FRMD6: variants seen among roughly 807,000 people sequenced by gnomAD.
The protein encoded by FRMD6 is FERM domain containing 6.
FRMD6 carries 37 observed loss-of-function variants against 73.2 expected under a neutral mutation model. That is an observed-to-expected ratio of 0.51 (90% CI 0.39 to 0.66). The LOEUF (loss-of-function observed/expected upper bound fraction) is 0.66. FRMD6 is among the 30% of genes least tolerant of loss of function. The pLI, the probability that FRMD6 is intolerant of heterozygous loss-of-function variation, is 0.00. For synonymous variants in FRMD6, 273 were observed against 282.2 expected (o/e 0.97, Z 0.33); for missense variants, 714 against 780.5 (o/e 0.91, Z 1.02).
intron 1 of FRMD6, among the ~76,000 whole-genome samples, chr14:51,509,211 A>G (rs1303835778): frequency 6.6e-6 from 1 of 152,234 alleles, no homozygotes; most frequent in Non-Finnish European, 1.5e-5. Context: ...ACTTGGCTCT[A>G]AATGACAAAT....
At chr14:51,522,740 T>C (rs1239496955) in intron 1 of FRMD6, 1 of 152,234 alleles carries the variant, frequency 6.6e-6, no homozygotes. Flanking sequence ...GGAAATGTCT[T>C]CAGCAGCTAC....
chr14:51,711,807 G>A (rs1436274914), intron 8 of FRMD6, among the ~76,000 whole-genome samples: 1 of 152,186 alleles, frequency 6.6e-6, no homozygotes, highest in Non-Finnish European at 1.5e-5. Context: ...AAAACAATAA[G>A]TAATAAGAAA....
In FRMD6 at chr14:51,724,823, G is replaced by A. The variant is rs547980134; in HGVS notation, c.1493-956G>A. Among the ~76,000 whole-genome samples the A allele has an allele frequency of 7.9e-5, 12 of 151,804 alleles. No homozygotes were observed. The South Asian group carries it at 1.9e-3, about 24-fold the overall frequency. ...ATCCATTGGCAAGAAAAATTTCAGCGGTGTTCACTTACACCTCTAGTTCTT... is the reference window on the plus strand; with the variant it reads ...ATCCATTGGCAAGAAAAATTTCAGCAGTGTTCACTTACACCTCTAGTTCTT... On this transcript the variant is annotated intron_variant, in intron 12 of 13. Coordinates refer to ENST00000344768, the MANE Select transcript of FRMD6 (RefSeq NM_001267046.2).
At chr14:51,506,261 GC>G (rs1883957929) in intron 1 of FRMD6, among the ~76,000 whole-genome samples, 1 of 152,130 alleles carries the variant, frequency 6.6e-6, no homozygotes, top group Admixed American at 6.5e-5. Flanking sequence ...TCTCTGCAAA[GC>G]TCTCTCTAGC....
At chr14:51,627,935 C>T (rs188720084) in intron 2 of FRMD6, among the ~76,000 whole-genome samples, 33 of 152,298 alleles carry the variant, frequency 2.2e-4, no homozygotes, top group Admixed American at 1.6e-3. Flanking sequence ...ATAGCATTTA[C>T]GTGTAACCTA....
the FRMD6 span, among the ~76,000 whole-genome samples, chr14:51,461,982 T>A: frequency 1.3e-5 from 2 of 151,078 alleles, no homozygotes; most frequent in African/African-American, 2.4e-5. Flanking sequence ...CTTATTCTTG[T>A]AATAAAACTT....
At chr14:51,718,815 T>TC (rs1400435082) in intron 10 of FRMD6, among the ~76,000 whole-genome samples, 1 of 152,228 alleles carries the variant, frequency 6.6e-6, no homozygotes, top group African/African-American at 2.4e-5. Flanking sequence ...TCCAAGCATT[T>TC]TTTTTTTGCA....
Position 51,595,129 on chromosome 14 carries a change from A to G in FRMD6, c.-147+24719A>G, listed in dbSNP as rs368875099. On this transcript the variant is annotated intron_variant, in intron 2 of 14. Transcript: ENST00000356218. The stretch of plus-strand genomic sequence containing the variant: ...AGACCACATGGACCAATGAGCCAAA[A>G]CTCTTGGAATAGGTGGACTAAGTAG... 3.0e-4 allele frequency among the ~76,000 whole-genome samples: 46 copies of G among 152,104 alleles called. No individual in the cohort carries two copies. The South Asian group carries it at 9.4e-3, about 31-fold the overall frequency.
chr14:51,694,596 A>G (rs377370361), intron 2 of FRMD6, among the ~76,000 whole-genome samples: 1 of 152,144 alleles, frequency 6.6e-6, no homozygotes, highest in Non-Finnish European at 1.5e-5. Context: ...AGGCAGAGGT[A>G]GCAGGATTGC....
At chr14:51,509,492 A>C (rs941788145) in intron 1 of FRMD6, among the ~76,000 whole-genome samples, 1 of 151,894 alleles carries the variant, frequency 6.6e-6, no homozygotes, top group African/African-American at 2.4e-5. Flanking sequence ...GCGCCACTAC[A>C]CTCCAGCCTG....
chr14:51,604,004 G>C (rs746364158), intron 2 of FRMD6, among the ~76,000 whole-genome samples: 2 of 151,910 alleles, frequency 1.3e-5, no homozygotes, highest in Non-Finnish European at 2.9e-5. Flanking sequence ...AGGAAGGTGA[G>C]GGAGTGAGTA....
chr14:51,695,902 A>G (rs984358092), intron 2 of FRMD6, among the ~76,000 whole-genome samples: 1 of 152,154 alleles, frequency 6.6e-6, no homozygotes, highest in African/African-American at 2.4e-5. Flanking sequence ...GTTTACTTTC[A>G]AATTTCAAGG....
chr14:51,470,486 C>T, the FRMD6 span, among the ~76,000 whole-genome samples: 9 of 151,314 alleles, frequency 5.9e-5, no homozygotes, highest in African/African-American at 2.2e-4. Flanking sequence ...GGCAACAGAG[C>T]GAGACTCCGT....
intron 1 of FRMD6, among the ~76,000 whole-genome samples, chr14:51,507,829 A>G (rs983272997): frequency 2.6e-5 from 4 of 152,164 alleles, no homozygotes; most frequent in Non-Finnish European, 4.4e-5. Context: ...GGTGGCAACA[A>G]TTGCCTCCTG....
At chr14:51,654,796 A>C (rs1892706589) in intron 1 of FRMD6, among the ~76,000 whole-genome samples, 1 of 152,112 alleles carries the variant, frequency 6.6e-6, no homozygotes, top group Non-Finnish European at 1.5e-5. Context: ...GTTGAGAATG[A>C]GATTTCTTGG....
At chr14:51,652,717 C>G (rs922901328) in intron 1 of FRMD6, among the ~76,000 whole-genome samples, 53 of 152,190 alleles carry the variant, frequency 3.5e-4, no homozygotes, top group African/African-American at 1.2e-3. Context: ...TCTGGAGGAG[C>G]TTACGGCGCG....
intron 1 of FRMD6, among the ~76,000 whole-genome samples, chr14:51,499,672 A>G (rs1488448469): frequency 6.6e-5 from 10 of 152,214 alleles, no homozygotes; most frequent in African/African-American, 1.7e-4. Context: ...AGACCATGAA[A>G]TCAGAGAAAA....
At chr14:51,722,950 C>T (rs957123029) in intron 12 of FRMD6, among the ~76,000 whole-genome samples, 18 of 152,182 alleles carry the variant, frequency 1.2e-4, no homozygotes, top group Non-Finnish European at 2.5e-4. Context: ...GGAACCAGAC[C>T]GATACACAGT....
intron 1 of FRMD6, among the ~76,000 whole-genome samples, chr14:51,515,041 T>TC (rs1240801090): frequency 6.6e-6 from 1 of 152,152 alleles, no homozygotes; most frequent in Non-Finnish European, 1.5e-5. Context: ...CATGATGGTG[T>TC]CCCCACCCCC....
Sources: allele counts gnomAD v4.1 joint callset (sites outside exome capture counted in the v4.1 genomes callset), GRCh38; gene constraint gnomAD v4.1.1; transcripts MANE v1.5; gene names NCBI Gene and HGNC (gene_info 2026-07-23, HGNC 2026-07-21).